Variants in ITPR1 observed in about 807,000 individuals in gnomAD.
The protein encoded by ITPR1 is inositol 1,4,5-trisphosphate receptor type 1, also known as inositol 1,4,5-trisphosphate-gated calcium channel ITPR1.
A neutral mutation model predicts 318.4 loss-of-function variants in ITPR1; 96 were observed. That is an observed-to-expected ratio of 0.30 (90% CI 0.26 to 0.36). The LOEUF (loss-of-function observed/expected upper bound fraction) is 0.36, where lower values mean the gene tolerates loss of function less well. ITPR1 is among the 10% of genes least tolerant of loss of function. ITPR1 has a pLI of 1.00. For missense variants in ITPR1, 2,440 were observed against 3,460.2 expected, an observed-to-expected ratio of 0.71 and a Z score of 7.40; for synonymous variants, 1,312 against 1,289.9, an observed-to-expected ratio of 1.02 and a Z score of -0.37.
At chr3:4,737,123 A>G (rs2043330479) in intron 44 of ITPR1, among the ~76,000 whole-genome samples, 1 of 152,032 alleles carries the variant, frequency 6.6e-6, no homozygotes, top group Non-Finnish European at 1.5e-5. Flanking sequence ...TCTGTTGGCC[A>G]AATTAGAAGT....
intron 18 of ITPR1, among the ~76,000 whole-genome samples, chr3:4,668,141 A>G (rs544206185): frequency 6.6e-6 from 1 of 152,126 alleles, no homozygotes; most frequent in African/African-American, 2.4e-5. Flanking sequence ...CCATTTACCT[A>G]CAAACAGTAG....
At chr3:4,598,556 A>T (rs1436886464) in intron 4 of ITPR1, among the ~76,000 whole-genome samples, 1 of 152,060 alleles carries the variant, frequency 6.6e-6, no homozygotes, top group Non-Finnish European at 1.5e-5. Context: ...CGGGAGGTTG[A>T]GGTTGCAGTG....
intron 4 of ITPR1, among the ~76,000 whole-genome samples, chr3:4,565,907 T>C (rs1003682837): frequency 2.0e-5 from 3 of 152,204 alleles, no homozygotes; most frequent in Admixed American, 6.5e-5. Context: ...TTTGAGAACA[T>C]TGGGCTGCAG....
At chr3:4,517,326 G>T (rs1217422758) in intron 3 of ITPR1, among the ~76,000 whole-genome samples, 1 of 152,196 alleles carries the variant, frequency 6.6e-6, no homozygotes, top group Non-Finnish European at 1.5e-5. Context: ...TATTGTCTTT[G>T]TGTAGAAAGG....
intron 20 of ITPR1, 81 bp downstream of exon 20, chr3:4,671,007 A>C: frequency 9.7e-7 from 1 of 1,031,960 alleles, no homozygotes; most frequent in Non-Finnish European, 1.4e-6. Flanking sequence ...TTTGTTGATT[A>C]CTTCAAGGAA....
intron 37 of ITPR1, among the ~76,000 whole-genome samples, chr3:4,706,910 G>A (rs1206550971): frequency 6.6e-6 from 1 of 152,212 alleles, no homozygotes; most frequent in African/African-American, 2.4e-5. Flanking sequence ...TAACATTAAC[G>A]TATTTTTTAT....
rs1329469853 is a variant in ITPR1 at position 4,645,440 on chromosome 3, G to T, written c.678G>T (p.Trp226Cys). Residue 226 changes from tryptophan to cysteine, a missense_variant, in exon 9 of 62, where the codon TGG (tryptophan) becomes TGT (cysteine). Physicochemically the swap from Trp to Cys is radical, Grantham distance 215. Around this residue, in one of 23 missense-constraint regions of ITPR1, gnomAD observed 186 missense variants for 323.9 expected, o/e 0.57. Coordinates refer to ENST00000649015, the MANE Select transcript of ITPR1 (RefSeq NM_001378452.1). ...GGAAAATAGTCCTTTTCATGAAATG[G>T]AGTGATAACAAAGACGACATATTAA... ...TSWKIVLFMK[W>C]SDNKDDILKG... 1.2e-6 allele frequency: 2 copies of T among 1,613,288 alleles called. No homozygotes were observed. Among genetic ancestry groups the T allele is most frequent in the African/African-American group, 2.7e-5 (2 of 74,868 alleles).
intron 61 of ITPR1, among the ~76,000 whole-genome samples, chr3:4,838,154 C>T (rs1162457905): frequency 6.6e-6 from 1 of 152,000 alleles, no homozygotes; most frequent in African/African-American, 2.4e-5. Context: ...ACCATTTGGC[C>T]TCAAGTTCTT....
intron 4 of ITPR1, among the ~76,000 whole-genome samples, chr3:4,541,613 G>A (rs1157906777): frequency 2.0e-5 from 3 of 151,168 alleles, no homozygotes; most frequent in African/African-American, 7.3e-5. Flanking sequence ...ATTCCGAGCT[G>A]TTATCTATTC....
At chr3:4,675,404 C>T (rs757750000) in intron 23 of ITPR1, among the ~76,000 whole-genome samples, 156 bp downstream of exon 23, 19 of 152,286 alleles carry the variant, frequency 1.2e-4, no homozygotes, top group Middle Eastern at 3.4e-3. Context: ...TAAAGAAAAG[C>T]GGAAAGAACA....
At chr3:4,772,323 G>A (rs1206818251) in intron 46 of ITPR1, among the ~76,000 whole-genome samples, 2 of 152,232 alleles carry the variant, frequency 1.3e-5, no homozygotes, top group African/African-American at 4.8e-5. Flanking sequence ...CTGGCCTTTT[G>A]CAGCAGCACC....
chr3:4,818,304 C>T, intron 60 of ITPR1, 62 bp downstream of exon 60: 1 of 1,329,162 alleles, frequency 7.5e-7, no homozygotes, highest in Non-Finnish European at 1.0e-6. Flanking sequence ...CTGAGCAAGG[C>T]CCCAGCAGCC....
intron 4 of ITPR1, among the ~76,000 whole-genome samples, chr3:4,578,013 C>T (rs1191638459): frequency 6.6e-6 from 1 of 152,250 alleles, no homozygotes; most frequent in African/African-American, 2.4e-5. Context: ...GCTCATCCAG[C>T]AACCAGTGCC....
intron 2 of ITPR1, among the ~76,000 whole-genome samples, chr3:4,499,632 A>G (rs1000795757): frequency 3.9e-5 from 6 of 152,206 alleles, no homozygotes; most frequent in Non-Finnish European, 7.3e-5. Flanking sequence ...TCCTCTACAG[A>G]TCTTTTTTCC....
intron 36 of ITPR1, among the ~76,000 whole-genome samples, chr3:4,703,162 C>G (rs2094691068): frequency 6.6e-6 from 1 of 152,132 alleles, no homozygotes; most frequent in Admixed American, 6.5e-5. Context: ...CCAGTGAGTC[C>G]TAAGTCAGAT....
intron 44 of ITPR1, among the ~76,000 whole-genome samples, chr3:4,763,826 T>C (rs901760043): frequency 2.6e-5 from 4 of 152,224 alleles, no homozygotes; most frequent in African/African-American, 9.6e-5. Context: ...CGATTGGCCG[T>C]CAGACAGCGC....
intron 60 of ITPR1, among the ~76,000 whole-genome samples, chr3:4,823,615 A>G (rs1360070898): frequency 6.6e-6 from 1 of 152,186 alleles, no homozygotes; most frequent in Non-Finnish European, 1.5e-5. Flanking sequence ...ACAAAAAACA[A>G]AATTGATCAC....
At chr3:4,756,513 A>G (rs1008321502) in intron 44 of ITPR1, among the ~76,000 whole-genome samples, 3 of 151,864 alleles carry the variant, frequency 2.0e-5, no homozygotes, top group Non-Finnish European at 2.9e-5. Flanking sequence ...CTCAGTGTCT[A>G]TTGTTTCCTT....
chr3:4,645,863 T>G lies in ITPR1; in HGVS notation c.855+135T>G, dbSNP rs936207592. 4.0e-6 allele frequency: 3 copies of G among 749,400 alleles called. No homozygotes were observed. The Admixed American group carries it at 7.3e-5, about 18-fold the overall frequency. 46.4% of individuals were successfully genotyped at this position (749,400 alleles called of 1,614,324 possible). A position where few individuals can be genotyped will look rare whatever the true frequency, so the allele number is the denominator to read the frequency against. Reference sequence around the variant, plus strand: ...GTCTATACACCCACATACACACACCTACACACACACACAGAATACATGTGT... The same window carrying G: ...GTCTATACACCCACATACACACACCGACACACACACACAGAATACATGTGT... On this transcript the variant is annotated intron_variant, in intron 10 of 61. Transcript: ENST00000649015.
Sources: gnomAD v4.1 joint callset for allele counts (sites outside exome capture counted in the v4.1 genomes callset) on GRCh38, gnomAD v4.1.1 for gene constraint, gnomAD v4.1.1 regional missense constraint, MANE v1.5 for transcripts, NCBI Gene and HGNC (gene_info 2026-07-23, HGNC 2026-07-21) for gene names.